METTL16: variants seen among roughly 807,000 people sequenced by gnomAD.
METTL16 encodes the protein RNA N(6)-adenosine-methyltransferase METTL16.
Under a neutral mutation model 57.9 loss-of-function variants are expected in METTL16, and 19 were observed. That is an observed-to-expected ratio of 0.33 (90% CI 0.23 to 0.48). The LOEUF (loss-of-function observed/expected upper bound fraction) is 0.48. Ranked by LOEUF, METTL16 falls within the 20% of genes least tolerant of loss-of-function variation. The probability of loss-of-function intolerance (pLI) is 0.99; values close to 1 mark genes in which losing one functional copy is unlikely to be tolerated. For missense variants in METTL16, 434 were observed against 691.5 expected, an observed-to-expected ratio of 0.63 and a Z score of 4.18; for synonymous variants, 246 against 255.6, an observed-to-expected ratio of 0.96 and a Z score of 0.36.
At chr17:2,428,590 T>C (rs1181318980) in intron 8 of METTL16, among the ~76,000 whole-genome samples, 1 of 42,252 alleles carries the variant, frequency 2.4e-5, no homozygotes, top group Non-Finnish European at 3.7e-5. Flanking sequence ...TATATATATA[T>C]ATATATATAT....
chr17:2,462,479 G>A (rs752023681), intron 6 of METTL16, among the ~76,000 whole-genome samples: 1 of 152,070 alleles, frequency 6.6e-6, no homozygotes, highest in Non-Finnish European at 1.5e-5. Flanking sequence ...TTGTGTCCCC[G>A]CCCAAATCTC....
chr17:2,503,790 T>G (rs979176772), intron 1 of METTL16, among the ~76,000 whole-genome samples: 2 of 151,682 alleles, frequency 1.3e-5, no homozygotes, highest in Non-Finnish European at 2.9e-5. Context: ...ACATGGTATA[T>G]CCATACAGTA....
chr17:2,472,778 T>C (rs1294063235), intron 4 of METTL16, among the ~76,000 whole-genome samples: 1 of 152,208 alleles, frequency 6.6e-6, no homozygotes, highest in African/African-American at 2.4e-5. Context: ...TCCAATTATA[T>C]GACATTCTGG....
At chr17:2,447,718 CCCCGCCCGGCCAGCCGCCCAG>C in intron 6 of METTL16, among the ~76,000 whole-genome samples, 1 of 143,980 alleles carries the variant, frequency 6.9e-6, no homozygotes, top group Non-Finnish European at 1.5e-5. Context: ...GGGGTCAGCC[CCCCGCCCGGCCAGCCGCCCAG>C]TCCGGGAGGG....
chr17:2,425,128 A>G (rs1422804818), intron 8 of METTL16, among the ~76,000 whole-genome samples: 3 of 152,230 alleles, frequency 2.0e-5, no homozygotes. Context: ...AGAAATTAAT[A>G]GTTAAATTCA....
At position 2,432,172 on chromosome 17, in the gene METTL16, G is replaced by A. The variant is rs545911510; in HGVS notation, c.888+5937C>T. On this transcript the variant is annotated intron_variant, in intron 8 of 9. Transcript: ENST00000263092. ...TCACCGTGTTAGCCAGGATGGTCTC[G>A]ATCTCCTGACCTCGTGATCCGCCTG... 7.2e-5 allele frequency among the ~76,000 whole-genome samples: 11 copies of A among 152,248 alleles called. No individual in the cohort carries two copies. The South Asian group carries it at 1.7e-3, about 23-fold the overall frequency.
intron 1 of METTL16, among the ~76,000 whole-genome samples, chr17:2,511,133 C>T (rs1477590996): frequency 6.6e-6 from 1 of 151,980 alleles, no homozygotes; most frequent in East Asian, 1.9e-4. Context: ...AAGCTCAGCC[C>T]ATGGACTGGA....
chr17:2,420,152 T>A lies in METTL16; in HGVS notation c.1507A>T (p.Arg503Trp). ...GCCACTCCTGGGAGACGTTTCCCCCTTTCAGCCACTGGGCTGCCGAACTGC... is the reference window on the plus strand; with the variant it reads ...GCCACTCCTGGGAGACGTTTCCCCCATTCAGCCACTGGGCTGCCGAACTGC... The part of the protein sequence containing the change: ...SEQFGSPVAE[R>W]GKRLPGVAGQ... Residue 503 changes from arginine (R) to tryptophan (W), a missense_variant, in exon 10 of 10, where the codon AGG becomes TGG. Around this residue, in one of 5 missense-constraint regions of METTL16, gnomAD observed 168 missense variants for 149.6 expected, o/e 1.12. Transcript: ENST00000263092. This position sits in a 1 kb window ranked among gnomAD's most constrained non-coding sequence, Gnocchi z 5.4. 1 of 1,614,244 alleles carries A rather than the reference T, an allele frequency of 6.2e-7. No homozygotes were observed. The highest frequency in any genetic ancestry group is 1.1e-5 in the South Asian group (1 of 91,090).
intron 6 of METTL16, among the ~76,000 whole-genome samples, chr17:2,445,011 A>T (rs910805084): frequency 1.5e-4 from 23 of 151,818 alleles, no homozygotes; most frequent in Admixed American, 5.3e-4. Context: ...CCACCATGCT[A>T]GGCTAATTTT....
chr17:2,473,736 T>C (rs778049120), intron 3 of METTL16, 72 bp from the exon 4 acceptor site: 56 of 1,473,420 alleles, frequency 3.8e-5, no homozygotes, highest in Non-Finnish European at 5.0e-5. Flanking sequence ...GAAAACACCA[T>C]TCTTCTCAGA....
chr17:2,426,198 G>A (rs1182647952), intron 8 of METTL16, among the ~76,000 whole-genome samples: 1 of 152,060 alleles, frequency 6.6e-6, no homozygotes, highest in African/African-American at 2.4e-5. Context: ...AGGGGACAGG[G>A]CAGAGAGGAG....
intron 8 of METTL16, among the ~76,000 whole-genome samples, chr17:2,421,510 A>G (rs1374703573): frequency 6.6e-6 from 1 of 152,224 alleles, no homozygotes; most frequent in East Asian, 1.9e-4. Context: ...CGTTCTTTCC[A>G]GCCGCACCGC....
At chr17:2,476,336 C>T (rs1228300035) in intron 3 of METTL16, among the ~76,000 whole-genome samples, 1 of 152,116 alleles carries the variant, frequency 6.6e-6, no homozygotes, top group Non-Finnish European at 1.5e-5. Context: ...GTTGGGAAAT[C>T]GTCATAGAAG....
intron 8 of METTL16, among the ~76,000 whole-genome samples, chr17:2,424,883 C>G (rs12940948): frequency 1 from 152,126 of 152,128 alleles, 76,062 homozygotes; most frequent in Middle Eastern, 1. Context: ...GGGAGGCGGA[C>G]CTTGCAGCGA....
At chr17:2,422,369 T>C (rs944341955) in intron 8 of METTL16, among the ~76,000 whole-genome samples, 2 of 150,392 alleles carry the variant, frequency 1.3e-5, no homozygotes, top group Non-Finnish European at 3.0e-5. Context: ...ATGCCACCAC[T>C]GTATTGAAAA....
At chr17:2,448,773 T>TAAAAAAA (rs1391105641) in intron 6 of METTL16, among the ~76,000 whole-genome samples, 3 of 29,606 alleles carry the variant, frequency 1.0e-4, no homozygotes, top group Non-Finnish European at 2.1e-4. Context: ...AAATAAAAAA[T>TAAAAAAA]AAAAAAATAA....
intron 6 of METTL16, among the ~76,000 whole-genome samples, chr17:2,448,793 A>C (rs2067042088): frequency 2.1e-5 from 2 of 94,418 alleles, no homozygotes; most frequent in Non-Finnish European, 3.9e-5. Flanking sequence ...AAAAAATAAA[A>C]ATAAAATTTA....
At chr17:2,428,564 AATAT>A (rs71362532) in intron 8 of METTL16, among the ~76,000 whole-genome samples, 421 of 31,204 alleles carry the variant, frequency 0.013, 6 homozygotes, top group Non-Finnish European at 0.017. Context: ...AAAAAAAAAA[AATAT>A]ATATATATAT....
intron 2 of METTL16, among the ~76,000 whole-genome samples, chr17:2,479,985 G>A (rs1216766327): frequency 6.6e-6 from 1 of 151,910 alleles, no homozygotes; most frequent in Admixed American, 6.6e-5. Context: ...TTGGGAGTTC[G>A]AGACCAGCCT....
Sources: gnomAD v4.1 joint callset for allele counts (sites outside exome capture counted in the v4.1 genomes callset) on GRCh38, gnomAD v4.1.1 for gene constraint, gnomAD v4.1.1 regional missense constraint, Gnocchi (gnomAD v3.1) non-coding constraint, MANE v1.5 for transcripts, NCBI Gene and HGNC (gene_info 2026-07-23, HGNC 2026-07-21) for gene names.